The following NOL4L variants were observed in gnomAD, a reference collection of about 807,000 sequenced individuals.
The protein encoded by NOL4L is nucleolar protein 4-like.
NOL4L carries 7 observed loss-of-function variants against 64.5 expected under a neutral mutation model. The observed-to-expected ratio is 0.11, with a 90% CI of 0.06 to 0.20. NOL4L has a LOEUF of 0.20. Among genes scored for constraint, NOL4L ranks in the 10% least tolerant of loss-of-function variants. The pLI, the probability that NOL4L is intolerant of heterozygous loss-of-function variation, is 1.00. For synonymous variants in NOL4L, 413 were observed against 401.0 expected, an observed-to-expected ratio of 1.03 and a Z score of -0.36; for missense variants, 680 against 967.1, an observed-to-expected ratio of 0.70 and a Z score of 3.94.
intron 1 of NOL4L, chr20:32,535,700 G>A (rs1035822744): frequency 4.1e-6 from 4 of 985,370 alleles, no homozygotes; most frequent in South Asian, 4.7e-5. Context: ...AAGCAGCTCT[G>A]AGTCTTTTTT....
chr20:32,583,473 G>A (rs1347104039), intron 1 of NOL4L, among the ~76,000 whole-genome samples: 1 of 148,568 alleles, frequency 6.7e-6, no homozygotes. Context: ...GCGGGGGAGC[G>A]GGGGAGGGAG....
chr20:32,559,732 G>A (rs533288131), intron 1 of NOL4L, among the ~76,000 whole-genome samples: 1 of 152,334 alleles, frequency 6.6e-6, no homozygotes, highest in East Asian at 1.9e-4. Context: ...GCACTTAGTA[G>A]GTACTGAGGT....
intron 1 of NOL4L, chr20:32,536,490 G>C (rs1231931382): frequency 6.2e-6 from 1 of 162,516 alleles, no homozygotes; most frequent in Non-Finnish European, 1.3e-5. Context: ...CGGGGGGCAG[G>C]GGCGGGGGCG....
In NOL4L at chr20:32,453,558, T is replaced by TG. The variant is rs1309732739; in HGVS notation, c.1305+17_1305+18insC. The TG allele has an allele frequency of 1.2e-6, 2 of 1,613,804 alleles. No homozygotes were observed. Among genetic ancestry groups the TG allele is most frequent in the East Asian group, 4.5e-5 (2 of 44,876 alleles). Reference sequence around the variant, plus strand: ...CCTTGCCCCCATCCCACCCCACCTGTTTCCGGCCGGTGCTCACGTTGAAGG... The same window carrying TG: ...CCTTGCCCCCATCCCACCCCACCTGTGTTCCGGCCGGTGCTCACGTTGAAGG... On this transcript the variant is annotated intron_variant, in intron 7 of 10. Coordinates refer to ENST00000621426, the MANE Select transcript of NOL4L (RefSeq NM_001256798.2). The surrounding 1 kb of genome is among the most constrained non-coding windows in gnomAD (Gnocchi z 5.6).
intron 5 of NOL4L, among the ~76,000 whole-genome samples, chr20:32,470,387 C>T (rs1035279364): frequency 2.6e-5 from 4 of 152,362 alleles, no homozygotes; most frequent in Middle Eastern, 3.4e-3. Context: ...TCATTTTCAT[C>T]CACTCATTCA....
intron 1 of NOL4L, among the ~76,000 whole-genome samples, chr20:32,574,650 G>A (rs1353274655): frequency 6.6e-6 from 1 of 152,108 alleles, no homozygotes; most frequent in Non-Finnish European, 1.5e-5. Context: ...CGGGGATGCC[G>A]AGAAAACGAT....
intron 4 of NOL4L, chr20:32,483,464 C>T: frequency 3.0e-6 from 3 of 990,908 alleles, no homozygotes; most frequent in Non-Finnish European, 3.6e-6. Flanking sequence ...CTGCTGCTGC[C>T]GCCGCGGCTG....
chr20:32,579,347 C>T (rs915966861), intron 1 of NOL4L, among the ~76,000 whole-genome samples: 6 of 152,252 alleles, frequency 3.9e-5, no homozygotes, highest in African/African-American at 9.6e-5. Context: ...CACACATGCA[C>T]GCACATGCGT....
intron 4 of NOL4L, among the ~76,000 whole-genome samples, chr20:32,487,408 G>A (rs1358576964): frequency 6.6e-6 from 1 of 152,054 alleles, no homozygotes; most frequent in Non-Finnish European, 1.5e-5. Flanking sequence ...GGGCCAGGGT[G>A]GGCTCTGGGC....
intron 1 of NOL4L, chr20:32,535,703 TC>T (rs2018498781): frequency 1.0e-6 from 1 of 985,324 alleles, no homozygotes. Context: ...CAGCTCTGAG[TC>T]TTTTTTCTCT....
At position 32,483,468 on chromosome 20, in the gene NOL4L, G is replaced by A. The variant is rs900490878; in HGVS notation, c.700-8726C>T. On this transcript the variant is annotated intron_variant, in intron 4 of 10. Transcript: ENST00000621426. ...AGCTGCTGCTGCTGCTGCTGCCGCC[G>A]CGGCTGCCCGGGGAGAGGGGCTGGC... The A allele has an allele frequency of 7.1e-6, 7 of 991,710 alleles. No homozygotes were observed. The South Asian group carries it at 2.7e-4, about 38-fold the overall frequency. The allele number at this position is 991,710 out of a possible 1,614,324, so 61.4% of individuals were successfully genotyped here.
At chr20:32,461,527 A>G (rs1397771256) in intron 5 of NOL4L, among the ~76,000 whole-genome samples, 1 of 143,038 alleles carries the variant, frequency 7.0e-6, no homozygotes, top group African/African-American at 2.6e-5. Context: ...GGTTCATGCC[A>G]TTCTCCTGCC....
chr20:32,503,671 GAA>G (rs1388096650), intron 4 of NOL4L, among the ~76,000 whole-genome samples: 1 of 152,212 alleles, frequency 6.6e-6, no homozygotes, highest in Non-Finnish European at 1.5e-5. Flanking sequence ...TGCAAATGGT[GAA>G]AAGAGAGTGG....
At chr20:32,540,218 C>A (rs1016388285) in intron 1 of NOL4L, among the ~76,000 whole-genome samples, 3 of 152,182 alleles carry the variant, frequency 2.0e-5, no homozygotes, top group African/African-American at 7.2e-5. Flanking sequence ...GCCAAGTGTC[C>A]CTCTGGGCCC....
rs1042269656 is a variant in NOL4L, at chr20:32,520,827, A to G, written c.573T>C (p.Asn191=). 3 of 1,549,620 alleles carry G rather than the reference A, an allele frequency of 1.9e-6. No homozygotes were observed. The highest frequency in any genetic ancestry group is 1.4e-5 in the African/African-American group (1 of 72,956). Residue 191 remains asparagine, a synonymous_variant, in exon 3 of 11, where the codon AAT becomes AAC. Coordinates refer to ENST00000621426, the MANE Select transcript of NOL4L (RefSeq NM_001256798.2). The part of the protein sequence containing the change: ...ECQKRMHFNS[N]GLEPKENEPP... The stretch of plus-strand genomic sequence containing the variant: ...CCCTGCTACCTTTGGGTTCCAGGCC[A>G]TTGGAGTTAAAGTGCATCCTCTTCT...
At chr20:32,482,730 CCTG>C (rs1170307923) in intron 4 of NOL4L, among the ~76,000 whole-genome samples, 2 of 151,656 alleles carry the variant, frequency 1.3e-5, no homozygotes, top group African/African-American at 4.8e-5. Flanking sequence ...GGGACCCGGG[CCTG>C]CTGAAGTGGG....
At chr20:32,548,084 C>G (rs555275623) in intron 1 of NOL4L, among the ~76,000 whole-genome samples, 1 of 152,282 alleles carries the variant, frequency 6.6e-6, no homozygotes, top group East Asian at 1.9e-4. Context: ...GTATTAAACA[C>G]TCCTGATGTA....
At chr20:32,577,747 C>T (rs891244143) in intron 1 of NOL4L, among the ~76,000 whole-genome samples, 10 of 152,216 alleles carry the variant, frequency 6.6e-5, no homozygotes, top group Non-Finnish European at 1.2e-4. Context: ...CCTGATAGTA[C>T]TGGAGACACA....
intron 4 of NOL4L, among the ~76,000 whole-genome samples, chr20:32,478,883 C>T (rs937355386): frequency 3.3e-5 from 5 of 152,164 alleles, no homozygotes; most frequent in Non-Finnish European, 5.9e-5. Flanking sequence ...CACCTGGCTG[C>T]GACAGCAAAT....
Sources: gnomAD v4.1 joint callset for allele counts (sites outside exome capture counted in the v4.1 genomes callset) on GRCh38, gnomAD v4.1.1 for gene constraint, Gnocchi (gnomAD v3.1) non-coding constraint, MANE v1.5 for transcripts, NCBI Gene and HGNC (gene_info 2026-07-23, HGNC 2026-07-21) for gene names.